The following PTPRD variants were observed in gnomAD, a reference collection of about 807,000 sequenced individuals.
The protein encoded by PTPRD is receptor-type tyrosine-protein phosphatase delta.
PTPRD carries 34 observed loss-of-function variants against 214.5 expected under a neutral mutation model. The observed-to-expected ratio is 0.16, with a 90% confidence interval of 0.12 to 0.21. The LOEUF (loss-of-function observed/expected upper bound fraction) is 0.21. Ranked by LOEUF, PTPRD falls within the 10% of genes least tolerant of loss-of-function variation. The probability of loss-of-function intolerance (pLI) is 1.00; values close to 1 mark genes in which losing one functional copy is unlikely to be tolerated. For synonymous variants in PTPRD, 1,128 were observed against 845.7 expected (o/e 1.33, Z -5.79); for missense variants, 2,545 against 2,398.7 (o/e 1.06, Z -1.27).
At chr9:9,100,144 G>C (rs1017941779) in intron 10 of PTPRD, among the ~76,000 whole-genome samples, 1 of 151,954 alleles carries the variant, frequency 6.6e-6, no homozygotes, top group African/African-American at 2.4e-5. Flanking sequence ...CTACAGAATG[G>C]GGTATCTTTA....
intron 10 of PTPRD, among the ~76,000 whole-genome samples, chr9:9,068,359 G>A (rs1176849895): frequency 2.6e-5 from 4 of 152,084 alleles, no homozygotes; most frequent in African/African-American, 9.7e-5. Context: ...CAGGATAAAT[G>A]CCCATGAATG....
chr9:9,397,999 A>C (rs2068566565), intron 8 of PTPRD, among the ~76,000 whole-genome samples: 1 of 151,898 alleles, frequency 6.6e-6, no homozygotes, highest in South Asian at 2.1e-4. Flanking sequence ...ATTCTTTTCC[A>C]TAATTCTCCA....
chr9:9,381,889 G>C (rs1311950441), intron 9 of PTPRD, among the ~76,000 whole-genome samples: 2 of 143,550 alleles, frequency 1.4e-5, no homozygotes, highest in Non-Finnish European at 3.0e-5. Context: ...ATTTAGTATT[G>C]TTTTGACTAT....
At chr9:8,936,678 T>G (rs1398376590) in intron 11 of PTPRD, among the ~76,000 whole-genome samples, 1 of 152,172 alleles carries the variant, frequency 6.6e-6, no homozygotes, top group African/African-American at 2.4e-5. Flanking sequence ...TTGCCTGTGG[T>G]AAAACATTCG....
chr9:8,632,120 T>TG (rs1369186826), intron 14 of PTPRD, among the ~76,000 whole-genome samples: 2 of 139,990 alleles, frequency 1.4e-5, no homozygotes, highest in East Asian at 2.1e-4. Context: ...GAATTGCTTC[T>TG]TTGTGTGTGT....
At chr9:8,696,660 G>A (rs1465061353) in intron 12 of PTPRD, among the ~76,000 whole-genome samples, 1 of 152,148 alleles carries the variant, frequency 6.6e-6, no homozygotes, top group Non-Finnish European at 1.5e-5. Context: ...AATGTCAAGA[G>A]AATTAAAATG....
intron 14 of PTPRD, among the ~76,000 whole-genome samples, chr9:8,531,478 A>T (rs559575352): frequency 1.3e-5 from 2 of 152,248 alleles, no homozygotes; most frequent in African/African-American, 4.8e-5. Context: ...TTCAAAGGAT[A>T]AAAGTAATTT....
chr9:10,068,918 T>C (rs1482153579), intron 3 of PTPRD, among the ~76,000 whole-genome samples: 1 of 152,090 alleles, frequency 6.6e-6, no homozygotes, highest in East Asian at 1.9e-4. Flanking sequence ...AAAGCCATCC[T>C]GTGCATTCGT....
chr9:9,080,545 G>C (rs1043942239), intron 10 of PTPRD, among the ~76,000 whole-genome samples: 1 of 151,954 alleles, frequency 6.6e-6, no homozygotes, highest in Non-Finnish European at 1.5e-5. Flanking sequence ...AATAGGGTTA[G>C]GTAATTCCCA....
chr9:9,378,485 T>G (rs2061378672), intron 9 of PTPRD, among the ~76,000 whole-genome samples: 1 of 152,158 alleles, frequency 6.6e-6, no homozygotes, highest in African/African-American at 2.4e-5. Flanking sequence ...TATAAACATC[T>G]GTGTGCAGGT....
At chr9:8,704,395 A>C (rs1258078385) in intron 12 of PTPRD, among the ~76,000 whole-genome samples, 3 of 152,194 alleles carry the variant, frequency 2.0e-5, no homozygotes, top group African/African-American at 7.2e-5. Context: ...CAGAGTAGGA[A>C]GGAGGATGGG....
chr9:8,731,916 T>C (rs371295873), intron 12 of PTPRD, among the ~76,000 whole-genome samples: 2 of 152,168 alleles, frequency 1.3e-5, no homozygotes, highest in Non-Finnish European at 2.9e-5. Flanking sequence ...TCTTTTTAGC[T>C]ATAATGGGAG....
At chr9:9,170,659 G>A (rs534724198) in intron 10 of PTPRD, among the ~76,000 whole-genome samples, 60 of 152,296 alleles carry the variant, frequency 3.9e-4, no homozygotes, top group African/African-American at 1.4e-3. Flanking sequence ...CTCTGCTGTG[G>A]TTAAGTGGAT....
intron 2 of PTPRD, among the ~76,000 whole-genome samples, chr9:10,430,151 T>C (rs914444072): frequency 6.6e-6 from 1 of 151,996 alleles, no homozygotes; most frequent in Admixed American, 6.6e-5. Context: ...GAGATGATAA[T>C]GGATAAAATA....
At chr9:9,487,309 T>A (rs1351279091) in intron 8 of PTPRD, among the ~76,000 whole-genome samples, 1 of 150,202 alleles carries the variant, frequency 6.7e-6, no homozygotes, top group African/African-American at 2.5e-5. Flanking sequence ...GAACATGTGG[T>A]GTTTAGTTTT....
At chr9:8,475,986 T>C (rs180904983) in intron 30 of PTPRD, among the ~76,000 whole-genome samples, 2 of 152,338 alleles carry the variant, frequency 1.3e-5, no homozygotes, top group Admixed American at 1.3e-4. Flanking sequence ...TGGATCCTCA[T>C]TTCTCTTAGG....
intron 11 of PTPRD, among the ~76,000 whole-genome samples, chr9:8,764,410 T>C (rs1053739329): frequency 7.2e-5 from 11 of 152,178 alleles, no homozygotes; most frequent in Non-Finnish European, 2.9e-5. Context: ...CCTGACAGTT[T>C]AGAGATTTAA....
chr9:9,008,989 G>C (rs1341286698), intron 11 of PTPRD, among the ~76,000 whole-genome samples: 4 of 152,098 alleles, frequency 2.6e-5, no homozygotes, highest in Non-Finnish European at 5.9e-5. Flanking sequence ...AAGAACTAAA[G>C]TAGTGTTTGG....
rs541584210 is a variant in PTPRD, at chr9:10,046,876, C to T, written c.-544-13086G>A. ...AAACTGAGCTAGTCTCAAAACATCACGACACCTGTCATATAAAAATGTGTT... is the reference window on the plus strand; with the variant it reads ...AAACTGAGCTAGTCTCAAAACATCATGACACCTGTCATATAAAAATGTGTT... On this transcript the variant is annotated intron_variant, in intron 3 of 45. Transcript: ENST00000381196. Among the ~76,000 whole-genome samples, 7 of 152,060 alleles carry T rather than the reference C, an allele frequency of 4.6e-5. No individual in the cohort carries two copies. The South Asian group carries it at 8.3e-4, about 18-fold the overall frequency.
Sources: gnomAD v4.1 joint callset for allele counts (sites outside exome capture counted in the v4.1 genomes callset) on GRCh38, gnomAD v4.1.1 for gene constraint, MANE v1.5 for transcripts, NCBI Gene and HGNC (gene_info 2026-07-23, HGNC 2026-07-21) for gene names.